CSMD1: variants seen among roughly 807,000 people sequenced by gnomAD.
The protein encoded by CSMD1 is CUB and sushi domain-containing protein 1.
In CSMD1, 213 loss-of-function variants were observed where a neutral mutation model predicts 417.5. The ratio of observed to expected loss-of-function variants is 0.51; its 90% CI spans 0.46 to 0.57. The LOEUF (loss-of-function observed/expected upper bound fraction) is 0.57. Ranked by LOEUF, CSMD1 falls within the 20% of genes least tolerant of loss-of-function variation. The pLI, the probability that CSMD1 is intolerant of heterozygous loss-of-function variation, is 0.00. For missense variants in CSMD1, 6,923 were observed against 4,529.7 expected, an observed-to-expected ratio of 1.53 and a Z score of -15.17; for synonymous variants, 2,862 against 1,736.8, an observed-to-expected ratio of 1.65 and a Z score of -16.11.
intron 3 of CSMD1, among the ~76,000 whole-genome samples, chr8:4,127,547 T>G (rs1318656690): frequency 6.6e-6 from 1 of 151,790 alleles, no homozygotes; most frequent in African/African-American, 2.4e-5. Flanking sequence ...GTTTTCCTAG[T>G]CAGTTTTCCT....
intron 52 of CSMD1, among the ~76,000 whole-genome samples, chr8:3,011,187 G>C (rs1007079386): frequency 3.3e-5 from 5 of 152,214 alleles, no homozygotes; most frequent in Admixed American, 6.5e-5. Context: ...AAATATGACA[G>C]AAAAACCCAC....
intron 7 of CSMD1, among the ~76,000 whole-genome samples, chr8:3,618,426 G>A (rs1166971968): frequency 1.3e-5 from 2 of 151,594 alleles, no homozygotes; most frequent in Admixed American, 6.6e-5. Context: ...TATTCCAAAC[G>A]GGTTAAGATA....
rs903339872 is a variant in CSMD1 at position 3,199,701 on chromosome 8, G to C, written c.5194+13C>G. 2 of 1,555,894 alleles carry C rather than the reference G, an allele frequency of 1.3e-6. No individual in the cohort carries two copies. The highest frequency in any genetic ancestry group is 2.3e-5 in the East Asian group (1 of 42,628). On this transcript the variant is annotated intron_variant, in intron 33 of 69. Coordinates refer to ENST00000635120, the MANE Select transcript of CSMD1 (RefSeq NM_033225.6). ...CCACAGTGACATGTGGAGACATGTG[G>C]AGTGACGCTTACCTTGATACACGAA...
intron 5 of CSMD1, among the ~76,000 whole-genome samples, chr8:3,767,317 G>A (rs566810623): frequency 2.5e-4 from 38 of 152,334 alleles, no homozygotes; most frequent in South Asian, 2.1e-3. Flanking sequence ...TTACGAACAC[G>A]GACAGTGGAG....
At chr8:4,527,434 T>A (rs569297985) in intron 2 of CSMD1, among the ~76,000 whole-genome samples, 1 of 152,342 alleles carries the variant, frequency 6.6e-6, no homozygotes, top group East Asian at 1.9e-4. Context: ...TGCAATTGCC[T>A]TTACCTATCC....
At chr8:3,383,434 G>A (rs553756938) in intron 18 of CSMD1, among the ~76,000 whole-genome samples, 2 of 148,988 alleles carry the variant, frequency 1.3e-5, no homozygotes, top group African/African-American at 5.0e-5. Flanking sequence ...CTCATGCATG[G>A]AGGGAAGCCT....
intron 4 of CSMD1, among the ~76,000 whole-genome samples, chr8:4,029,424 C>T (rs3909677): frequency 0.12 from 18,064 of 152,178 alleles, 1,418 homozygotes; most frequent in South Asian, 0.23. Context: ...GACCTAGCCA[C>T]GTCTTATATG....
intron 2 of CSMD1, among the ~76,000 whole-genome samples, chr8:4,598,861 T>C (rs922573160): frequency 6.6e-6 from 1 of 152,172 alleles, no homozygotes; most frequent in Non-Finnish European, 1.5e-5. Context: ...AGAACTACTT[T>C]TACTTTTGTA....
chr8:3,321,270 C>T (rs1584995802), intron 23 of CSMD1, among the ~76,000 whole-genome samples: 5 of 152,238 alleles, frequency 3.3e-5, no homozygotes, highest in Admixed American at 3.3e-4. Flanking sequence ...AGTATTCACC[C>T]TGGTCCCAGT....
At chr8:4,965,090 C>T (rs566559064) in intron 1 of CSMD1, among the ~76,000 whole-genome samples, 46 of 152,208 alleles carry the variant, frequency 3.0e-4, no homozygotes, top group Admixed American at 7.2e-4. Context: ...CTATTGTAGG[C>T]AAATAGCTTA....
chr8:4,233,047 G>C (rs908556641), intron 3 of CSMD1, among the ~76,000 whole-genome samples: 10 of 152,190 alleles, frequency 6.6e-5, no homozygotes, highest in African/African-American at 2.4e-4. Context: ...ACAAGGATAT[G>C]TTGCTCTAGG....
intron 5 of CSMD1, among the ~76,000 whole-genome samples, chr8:3,835,890 G>T (rs1278456880): frequency 2.6e-5 from 4 of 151,996 alleles, no homozygotes; most frequent in Admixed American, 6.6e-5. Context: ...TTCCATGAAG[G>T]CTTTGATAAG....
intron 1 of CSMD1, chr8:4,788,174 T>C (rs1338886927): frequency 6.3e-7 from 1 of 1,595,172 alleles, no homozygotes; most frequent in Non-Finnish European, 8.6e-7. Flanking sequence ...AGAAGGCCTG[T>C]GGAAATTTTG....
intron 3 of CSMD1, among the ~76,000 whole-genome samples, chr8:4,407,192 C>G (rs962378083): frequency 4.6e-5 from 7 of 152,180 alleles, no homozygotes; most frequent in South Asian, 4.1e-4. Flanking sequence ...TGCCAGTCCT[C>G]TTTAGAGTGA....
intron 21 of CSMD1, among the ~76,000 whole-genome samples, chr8:3,350,082 T>TTCGTG (rs1585037550): frequency 3.0e-5 from 4 of 132,662 alleles, no homozygotes; most frequent in Admixed American, 2.4e-4. Flanking sequence ...TGTGTTATAA[T>TTCGTG]ACCTATAATA....
At chr8:3,298,331 C>G (rs995877343) in intron 25 of CSMD1, among the ~76,000 whole-genome samples, 2 of 152,136 alleles carry the variant, frequency 1.3e-5, no homozygotes, top group African/African-American at 4.8e-5. Flanking sequence ...TGCATCAGAA[C>G]CATCCAAATG....
chr8:3,754,040 A>G lies in CSMD1; in HGVS notation c.821T>C (p.Leu274Pro), dbSNP rs1797517046. Residue 274 changes from leucine to proline, a missense_variant and splice_region_variant, in exon 6 of 70, where the codon CTA (leucine) becomes CCA (proline). Coordinates refer to ENST00000635120, the MANE Select transcript of CSMD1 (RefSeq NM_033225.6). ...ISGTEAPSIW[L>P]TGMNLPSPVI... is the part of the protein sequence containing the mutation. ...TGGAGAGGGGAGGTTCATGCCAGTT[A>G]GCCTAGAGAAGAGAAAGAGGAAAAA... 6.2e-7 allele frequency: 1 copy of G among 1,608,664 alleles called. No individual in the cohort carries two copies. The highest frequency in any genetic ancestry group is 1.7e-5 in the Admixed American group (1 of 59,902).
intron 18 of CSMD1, among the ~76,000 whole-genome samples, chr8:3,378,095 A>T (rs1469870604): frequency 6.6e-6 from 1 of 152,174 alleles, no homozygotes; most frequent in African/African-American, 2.4e-5. Context: ...TGAATATTGG[A>T]TGTGTTTGAT....
intron 3 of CSMD1, among the ~76,000 whole-genome samples, chr8:4,198,561 A>C (rs11989184): frequency 0.19 from 29,300 of 152,068 alleles, 3,050 homozygotes; most frequent in East Asian, 0.28. Flanking sequence ...CACTTTCAGG[A>C]ACGTGCACAA....
Sources: gnomAD v4.1 joint callset for allele counts (sites outside exome capture counted in the v4.1 genomes callset) on GRCh38, gnomAD v4.1.1 for gene constraint, MANE v1.5 for transcripts, NCBI Gene and HGNC (gene_info 2026-07-23, HGNC 2026-07-21) for gene names.